SH3YL1: variants seen among roughly 807,000 people sequenced by gnomAD.
The protein encoded by SH3YL1 is SH3 and SYLF domain containing 1.
Under a neutral mutation model 45.8 loss-of-function variants are expected in SH3YL1, and 41 were observed. The observed-to-expected ratio is 0.89, with a 90% confidence interval of 0.70 to 1.16. SH3YL1 has a LOEUF of 1.16. Ranked by LOEUF, SH3YL1 falls within the 50% of genes most tolerant of loss-of-function variation. The probability of loss-of-function intolerance (pLI) is 0.00; values close to 1 mark genes in which losing one functional copy is unlikely to be tolerated. For synonymous variants in SH3YL1, 152 were observed against 151.4 expected (o/e 1.00, Z -0.03); for missense variants, 389 against 409.6 (o/e 0.95, Z 0.43).
intron 3 of SH3YL1, among the ~76,000 whole-genome samples, chr2:248,256 CT>C (rs1668922239): frequency 6.6e-6 from 1 of 152,092 alleles, no homozygotes; most frequent in Non-Finnish European, 1.5e-5. Flanking sequence ...TTAAACAAGT[CT>C]AGAAAAATGT....
At chr2:237,212 G>C (rs1363278139) in intron 4 of SH3YL1, among the ~76,000 whole-genome samples, 1 of 151,644 alleles carries the variant, frequency 6.6e-6, no homozygotes, top group Non-Finnish European at 1.5e-5. Flanking sequence ...GCTTCTGCTT[G>C]GTACATCGTG....
intron 9 of SH3YL1, chr2:222,978 C>T (rs1040142011): frequency 1.6e-4 from 24 of 152,198 alleles, no homozygotes; most frequent in African/African-American, 5.1e-4. Flanking sequence ...AATTCCGTAA[C>T]GTAAAGTGAG....
At chr2:232,828 T>A (rs1668109943) in intron 6 of SH3YL1, 1 of 202,442 alleles carries the variant, frequency 4.9e-6, no homozygotes, top group East Asian at 1.1e-4. Flanking sequence ...CAAAAAAAAT[T>A]ATGCTTAGGA....
At chr2:224,388 C>T (rs1387129024) in intron 9 of SH3YL1, among the ~76,000 whole-genome samples, 2 of 152,170 alleles carry the variant, frequency 1.3e-5, no homozygotes, top group African/African-American at 4.8e-5. Flanking sequence ...TGCTAAAACA[C>T]AGAGAAAATG....
At chr2:247,422 TC>T in intron 4 of SH3YL1, 115 bp downstream of exon 4, 1 of 680,400 alleles carries the variant, frequency 1.5e-6, no homozygotes, top group South Asian at 2.5e-5. Context: ...AAACAATTTT[TC>T]CTAAGTGCCA....
intron 4 of SH3YL1, among the ~76,000 whole-genome samples, chr2:236,081 CCAGGGGAGGCAGCATGGGT>C: frequency 1.8e-5 from 1 of 56,508 alleles, no homozygotes; most frequent in African/African-American, 6.4e-5. Flanking sequence ...GCAGCATGGG[CCAGGGGAGGCAGCATGGGT>C]CAGGGGAGGC....
At chr2:230,957 G>T in intron 7 of SH3YL1, 66 bp downstream of exon 7, 2 of 1,509,334 alleles carry the variant, frequency 1.3e-6, no homozygotes, top group African/African-American at 1.4e-5. Flanking sequence ...CTGATATCAG[G>T]GACAGAATGT....
chr2:255,823 G>T (rs564905168), intron 1 of SH3YL1: 5 of 152,326 alleles, frequency 3.3e-5, no homozygotes, highest in African/African-American at 9.6e-5. Context: ...TGTGCATGAT[G>T]CATGTGTGTA....
chr2:255,391 C>T (rs991986557), intron 1 of SH3YL1, among the ~76,000 whole-genome samples: 2 of 152,104 alleles, frequency 1.3e-5, no homozygotes, highest in Admixed American at 1.3e-4. Flanking sequence ...GCCAGGAGTT[C>T]GAGACCAGCC....
chr2:242,950 G>A, intron 4 of SH3YL1: 1 of 888,198 alleles, frequency 1.1e-6, no homozygotes. Flanking sequence ...ATCAACCAAA[G>A]AGATATAACA....
intron 9 of SH3YL1, among the ~76,000 whole-genome samples, chr2:221,801 A>T (rs1270318295): frequency 1.5e-5 from 2 of 132,100 alleles, no homozygotes. Flanking sequence ...AAATCACAAG[A>T]GTGAGGCCAG....
upstream of SH3YL1, chr2:264,307 C>G (rs947678920): frequency 3.0e-6 from 1 of 333,750 alleles, no homozygotes; most frequent in African/African-American, 2.1e-5. Context: ...CCTGGTCCGG[C>G]GTGGACCCCG....
intron 4 of SH3YL1, among the ~76,000 whole-genome samples, chr2:235,354 G>GGCAGCATGGGCCAGGGGAGGCA (rs1558239654): frequency 1.3e-5 from 2 of 148,558 alleles, no homozygotes; most frequent in Non-Finnish European, 3.0e-5. Flanking sequence ...GGTCAGGGGA[G>GGCAGCATGGGCCAGGGGAGGCA]GCAGCATGGG....
intron 9 of SH3YL1, among the ~76,000 whole-genome samples, chr2:222,049 A>G (rs1366808945): frequency 3.3e-5 from 5 of 152,066 alleles, no homozygotes; most frequent in African/African-American, 1.2e-4. Flanking sequence ...CGGGAAGCAA[A>G]CCCCACTGAG....
Position 245,286 on chromosome 2 carries a change from TTCTTA to T in SH3YL1, c.291+2247_291+2251del, listed in dbSNP as rs142896953. ...CATGTCTCCAATCCCTAGGAGATGCTTCTTATCTCTGTTTGAAATTGACATTTAAA... is the reference window on the plus strand; with the variant it reads ...CATGTCTCCAATCCCTAGGAGATGCTTCTCTGTTTGAAATTGACATTTAAA... On this transcript the variant is annotated intron_variant, in intron 4 of 9. Transcript: ENST00000356150. Among the ~76,000 whole-genome samples, 196 of 152,342 alleles carry T rather than the reference TTCTTA, an allele frequency of 1.3e-3. 2 individuals are homozygous for T. The highest frequency in any genetic ancestry group is 4.4e-3 in the African/African-American group (183 of 41,582).
intron 2 of SH3YL1, 41 bp from the exon 3 acceptor site, chr2:249,885 C>G: frequency 2.2e-6 from 3 of 1,361,386 alleles, no homozygotes; most frequent in Non-Finnish European, 3.1e-6. Flanking sequence ...GCATTTTGAT[C>G]TATGTGCCTG....
At chr2:256,007 T>C (rs1335545273) in intron 1 of SH3YL1, 2 of 152,200 alleles carry the variant, frequency 1.3e-5, no homozygotes, top group Non-Finnish European at 2.9e-5. Context: ...GTTACAGGTA[T>C]AGCTCAGTGT....
At chr2:243,649 C>CTGTTGCTTAA in intron 4 of SH3YL1, 4 of 1,410,450 alleles carry the variant, frequency 2.8e-6, no homozygotes, top group Non-Finnish European at 3.8e-6. Flanking sequence ...CTTTAAGCAA[C>CTGTTGCTTAA]AGCCTTGCTT....
At chr2:262,407 GCTTTCTCTGCTCC>G (rs1476281629) in intron 1 of SH3YL1, 1 of 334,200 alleles carries the variant, frequency 3.0e-6, no homozygotes, top group Non-Finnish European at 5.5e-6. Context: ...GACAGCGAAA[GCTTTCTCTGCTCC>G]CTCGGGAGAC....
Sources: allele counts gnomAD v4.1 joint callset (sites outside exome capture counted in the v4.1 genomes callset), GRCh38; gene constraint gnomAD v4.1.1; transcripts MANE v1.5; gene names NCBI Gene and HGNC (gene_info 2026-07-23, HGNC 2026-07-21).